ALG6: variants seen among roughly 807,000 people sequenced by gnomAD.
The protein encoded by ALG6 is dolichyl pyrophosphate Man9GlcNAc2 alpha-1,3-glucosyltransferase.
A neutral mutation model predicts 66.6 loss-of-function variants in ALG6; 46 were observed. That is an observed-to-expected ratio of 0.69 (90% confidence interval 0.55 to 0.88). ALG6 has a LOEUF of 0.88. ALG6 is among the 40% of genes least tolerant of loss of function. The probability of loss-of-function intolerance (pLI) is 0.00; values close to 1 mark genes in which losing one functional copy is unlikely to be tolerated. For missense variants in ALG6, 505 were observed against 586.8 expected, an observed-to-expected ratio of 0.86 and a Z score of 1.44; for synonymous variants, 185 against 203.7, an observed-to-expected ratio of 0.91 and a Z score of 0.78.
chr1:63,372,226 A>G (rs1201933103), intron 2 of ALG6, among the ~76,000 whole-genome samples: 1 of 152,210 alleles, frequency 6.6e-6, no homozygotes, highest in Non-Finnish European at 1.5e-5. Context: ...AATAGGTTAT[A>G]CAATTAGCTG....
At chr1:63,370,670 C>T (rs1253390852) in intron 1 of ALG6, 101 bp from the exon 2 acceptor site, 1 of 342,912 alleles carries the variant, frequency 2.9e-6, no homozygotes, top group Non-Finnish European at 5.4e-6. Context: ...CTTCCCACTA[C>T]CCCTCCCCTC....
intron 12 of ALG6, among the ~76,000 whole-genome samples, chr1:63,428,035 C>A (rs1045717943): frequency 6.6e-6 from 1 of 152,004 alleles, no homozygotes; most frequent in Admixed American, 6.6e-5. Flanking sequence ...GTCTCGAACT[C>A]CTGACCTCAA....
chr1:63,416,723 C>T (rs1039652588), intron 11 of ALG6, among the ~76,000 whole-genome samples: 1 of 152,104 alleles, frequency 6.6e-6, no homozygotes, highest in Admixed American at 6.5e-5. Context: ...GGACTAGGTG[C>T]ATTTTCTACA....
intron 2 of ALG6, among the ~76,000 whole-genome samples, chr1:63,392,925 A>T (rs1648713245): frequency 6.6e-6 from 1 of 152,202 alleles, no homozygotes; most frequent in Admixed American, 6.5e-5. Context: ...TCTGGATAGG[A>T]ACTTGTTTCC....
intron 2 of ALG6, chr1:63,371,357 GA>G: frequency 5.3e-6 from 2 of 374,420 alleles, no homozygotes; most frequent in South Asian, 2.4e-5. Flanking sequence ...CACTTCAAGG[GA>G]GGGGTGGAGT....
At chr1:63,426,046 A>T (rs1309159217) in intron 12 of ALG6, among the ~76,000 whole-genome samples, 1 of 152,192 alleles carries the variant, frequency 6.6e-6, no homozygotes, top group Non-Finnish European at 1.5e-5. Context: ...GTTATAGCAA[A>T]TGAGAGGGAA....
chr1:63,387,263 ATGT>A (rs1294021302), intron 2 of ALG6, among the ~76,000 whole-genome samples: 1 of 152,164 alleles, frequency 6.6e-6, no homozygotes, highest in East Asian at 1.9e-4. Context: ...ATTGGATGAA[ATGT>A]TGTATAAATA....
chr1:63,408,643 C>T (rs1644501773), intron 7 of ALG6, among the ~76,000 whole-genome samples: 1 of 152,158 alleles, frequency 6.6e-6, no homozygotes, highest in Non-Finnish European at 1.5e-5. Context: ...GTAAGAGTTC[C>T]AGATGCTCTA....
intron 2 of ALG6, among the ~76,000 whole-genome samples, chr1:63,382,639 AAGTTTTTTTTTGTTTGTTTTTTTT>A (rs1298393452): frequency 2.7e-5 from 3 of 109,578 alleles, no homozygotes; most frequent in African/African-American, 1.2e-4. Flanking sequence ...ATGCCTGGCT[AAGTTTTTTTTTGTTTGTTTTTTTT>A]TGTTTTTTTT....
At chr1:63,395,593 G>T (rs1374864074) in intron 2 of ALG6, among the ~76,000 whole-genome samples, 1 of 152,178 alleles carries the variant, frequency 6.6e-6, no homozygotes, top group Non-Finnish European at 1.5e-5. Context: ...TACTCGGGAG[G>T]CTGAATCATG....
At chr1:63,391,336 A>T (rs1648668982) in intron 2 of ALG6, among the ~76,000 whole-genome samples, 1 of 152,218 alleles carries the variant, frequency 6.6e-6, no homozygotes, top group Non-Finnish European at 1.5e-5. Context: ...GAGTGTTTTT[A>T]TACTAACTTT....
intron 12 of ALG6, among the ~76,000 whole-genome samples, chr1:63,426,030 A>G (rs1322300165): frequency 2.0e-5 from 3 of 152,196 alleles, no homozygotes; most frequent in Non-Finnish European, 4.4e-5. Flanking sequence ...TCACTAGAAG[A>G]GAGGCGTTAT....
chr1:63,432,344 T>G (rs996532347), intron 14 of ALG6, among the ~76,000 whole-genome samples: 7 of 152,170 alleles, frequency 4.6e-5, no homozygotes, highest in Admixed American at 3.9e-4. Context: ...CTAGGATAAA[T>G]CCTACTGGAT....
chr1:63,369,357 A>G (rs1003817461), intron 1 of ALG6, among the ~76,000 whole-genome samples: 2 of 152,178 alleles, frequency 1.3e-5, no homozygotes, highest in African/African-American at 4.8e-5. Flanking sequence ...GGCCGGGTGC[A>G]GTGGCTCACG....
Position 63,437,274 on chromosome 1 carries a change from G to A in ALG6, c.*254G>A, listed in dbSNP as rs1644689596. ...TTATTATTCACAGCTATTCAAGTGG[G>A]GAAAAAAGAGAAACATGTCCTTAAT... On this transcript the variant is annotated 3_prime_UTR_variant, in exon 15 of 15. Transcript: ENST00000263440. 3 of 396,698 alleles carry A rather than the reference G, an allele frequency of 7.6e-6. No homozygotes were observed. Among genetic ancestry groups the A allele is most frequent in the African/African-American group, 2.1e-5 (1 of 48,664 alleles). The allele number at this position is 396,698 out of a possible 1,614,324, so 24.6% of individuals were successfully genotyped here. A position where few individuals can be genotyped will look rare whatever the true frequency, so the allele number is the denominator to read the frequency against.
chr1:63,422,106 TAA>T (rs1644577635), intron 12 of ALG6, among the ~76,000 whole-genome samples: 1 of 85,866 alleles, frequency 1.2e-5, no homozygotes, highest in Non-Finnish European at 2.3e-5. Context: ...TATATAAATA[TAA>T]ATATATATAA....
In ALG6 at chr1:63,433,418, T is replaced by C. The variant is rs1025598511; in HGVS notation, c.1327-3405T>C. Among the ~76,000 whole-genome samples, 4 of 152,076 alleles carry C rather than the reference T, an allele frequency of 2.6e-5. No homozygotes were observed. Among genetic ancestry groups the C allele is most frequent in the East Asian group, 1.9e-4 (1 of 5,168 alleles). ...CAAGGCAGGTATTCTCAGGGCAGAGTTGAATGGGTGTCCTGAGGGTTTTGC... is the reference window on the plus strand; with the variant it reads ...CAAGGCAGGTATTCTCAGGGCAGAGCTGAATGGGTGTCCTGAGGGTTTTGC... On this transcript the variant is annotated intron_variant, in intron 14 of 14. Transcript: ENST00000263440. The surrounding 1 kb of genome is among the most constrained non-coding windows in gnomAD (Gnocchi z 4.2).
intron 2 of ALG6, among the ~76,000 whole-genome samples, chr1:63,385,426 T>A (rs1224132145): frequency 6.6e-6 from 1 of 152,088 alleles, no homozygotes; most frequent in East Asian, 1.9e-4. Context: ...TTGGCCAGGC[T>A]GGTCTTGAAC....
At chr1:63,395,568 G>A (rs921008897) in intron 2 of ALG6, among the ~76,000 whole-genome samples, 2 of 152,062 alleles carry the variant, frequency 1.3e-5, no homozygotes, top group Non-Finnish European at 2.9e-5. Context: ...GGTGGCACAC[G>A]CCTATAATCC....
Sources: allele counts gnomAD v4.1 joint callset (sites outside exome capture counted in the v4.1 genomes callset), GRCh38; gene constraint gnomAD v4.1.1; non-coding constraint Gnocchi (gnomAD v3.1); transcripts MANE v1.5; gene names NCBI Gene and HGNC (gene_info 2026-07-23, HGNC 2026-07-21).